The following MED22 variants were observed in gnomAD, a reference collection of about 807,000 sequenced individuals.
MED22 encodes mediator of RNA polymerase II transcription subunit 22.
MED22 carries 22 observed loss-of-function variants against 22.7 expected under a neutral mutation model. The ratio of observed to expected loss-of-function variants is 0.97; its 90% CI spans 0.69 to 1.38. The LOEUF is 1.38. Among genes scored for constraint, MED22 ranks in the 40% most tolerant of loss-of-function variants. The pLI, the probability that MED22 is intolerant of heterozygous loss-of-function variation, is 0.00. For synonymous variants in MED22, 134 were observed against 119.4 expected (o/e 1.12, Z -0.80); for missense variants, 247 against 263.0 (o/e 0.94, Z 0.42).
At chr9:133,341,984 C>T (rs1440664875) in intron 4 of MED22, 5 of 1,199,558 alleles carry the variant, frequency 4.2e-6, no homozygotes, top group Non-Finnish European at 5.2e-6. Flanking sequence ...TCCACGTGGG[C>T]CTGTCCTAGC....
intron 2 of MED22, among the ~76,000 whole-genome samples, chr9:133,345,477 C>T (rs1476438077): frequency 6.6e-6 from 1 of 152,214 alleles, no homozygotes; most frequent in Non-Finnish European, 1.5e-5. Flanking sequence ...TGCACCTTTG[C>T]TCAAGACAAA....
At chr9:133,341,798 A>C (rs1588677964) in intron 4 of MED22, 104 bp from the exon 5 acceptor site, 1 of 1,491,048 alleles carries the variant, frequency 6.7e-7, no homozygotes, top group South Asian at 1.4e-5. Context: ...ACACGACCAC[A>C]CCCCAGACCT....
Position 133,339,087 on chromosome 9 carries a change from T to C in MED22, c.*2418A>G, listed in dbSNP as rs2129942151. 1.3e-5 allele frequency: 9 copies of C among 679,260 alleles called. No individual in the cohort carries two copies. Among genetic ancestry groups the C allele is most frequent in the Non-Finnish European group, 2.2e-5 (8 of 364,046 alleles). 42.1% of individuals were successfully genotyped at this position (679,260 alleles called of 1,614,324 possible). A position where few individuals can be genotyped will look rare whatever the true frequency, so the allele number is the denominator to read the frequency against. ...GTTCCTTTGGCCAAGTATATGCAAA[T>C]TGATGAGAAAGGTGATATTGTAGAT... On this transcript the variant is annotated 3_prime_UTR_variant, in exon 5 of 5. Coordinates refer to ENST00000343730, the MANE Select transcript of MED22 (RefSeq NM_133640.5).
In MED22 at chr9:133,344,280, C is replaced by G. The variant is rs2129961213; in HGVS notation, c.258G>C (p.Leu86=). ...TCACGGAGGGGAAGTCATTGAGGAT[C>G]AGGAACTGCTTGAGGTCGGACACCA... ...MKLVSDLKQF[L]ILNDFPSVNE... is the part of the protein sequence containing the mutation. The change falls in exon 4 of 5, where the codon CTG becomes CTC. Residue 86 remains leucine (L), a synonymous_variant. Coordinates refer to ENST00000343730, the MANE Select transcript of MED22 (RefSeq NM_133640.5). 2.5e-6 allele frequency: 4 copies of G among 1,614,074 alleles called. No homozygotes were observed. In the African/African-American group the frequency reaches 5.3e-5, roughly 22 times the overall value.
chr9:133,341,513 G>A lies in MED22; in HGVS notation c.595C>T (p.His199Tyr), dbSNP rs2129948773. Reference protein sequence around the residue: ...SHAGGPGPTEHA With the variant: ...SHAGGPGPTEYA ...AGCGTGGCCCCGGAGGCTCAGGCGT[G>A]CTCAGTGGGGCCAGGGCCACCAGCA... The change falls in exon 5 of 5, where the codon CAC (histidine) becomes TAC (tyrosine). Residue 199 changes from histidine (H) to tyrosine (Y), a missense_variant. Coordinates refer to ENST00000343730, the MANE Select transcript of MED22 (RefSeq NM_133640.5). 1.3e-6 allele frequency: 2 copies of A among 1,515,524 alleles called. No individual in the cohort carries two copies. Among genetic ancestry groups the A allele is most frequent in the South Asian group, 2.7e-5 (2 of 74,904 alleles). 93.9% of individuals were successfully genotyped at this position (1,515,524 alleles called of 1,614,324 possible).
rs1836198556 is a variant in MED22 at position 133,346,791 on chromosome 9, G to GCA, written c.-38-92_-38-91insTG. 3 of 1,153,522 alleles carry GCA rather than the reference G, an allele frequency of 2.6e-6. No individual in the cohort carries two copies. In the African/African-American group the frequency reaches 4.7e-5, roughly 18 times the overall value. The allele number at this position is 1,153,522 out of a possible 1,614,324, so 71.5% of individuals were successfully genotyped here. A position where few individuals can be genotyped will look rare whatever the true frequency, so the allele number is the denominator to read the frequency against. ...CTTAGCAGAACACGCAGATTTCTGG[G>GCA]GATTCCCTTTCTGCCAAATAAAGTC... On this transcript the variant is annotated intron_variant, in intron 1 of 4. Transcript: ENST00000343730.
Position 133,338,595 on chromosome 9 carries a change from C to T in MED22, c.*2910G>A, listed in dbSNP as rs1420483331. 3 of 190,358 alleles carry T rather than the reference C, an allele frequency of 1.6e-5. No individual in the cohort carries two copies. Among genetic ancestry groups the T allele is most frequent in the African/African-American group, 4.7e-5 (2 of 42,292 alleles). 11.8% of individuals were successfully genotyped at this position (190,358 alleles called of 1,614,324 possible). On this transcript the variant is annotated 3_prime_UTR_variant, in exon 5 of 5. Transcript: ENST00000343730. ...TGCTGGGATTACAGGCGTGAGCCAC[C>T]GCGCCCGGCCAATTTCTATACTTTT...
chr9:133,343,507 AGCACGGGGCCTG>A, intron 4 of MED22: 1 of 1,236,310 alleles, frequency 8.1e-7, no homozygotes, highest in Non-Finnish European at 1.0e-6. Flanking sequence ...CCTGGGACCC[AGCACGGGGCCTG>A]GCACGTAGGT....
In MED22 at chr9:133,339,599, G is replaced by A. The variant is rs1342508697; in HGVS notation, c.*1906C>T. On this transcript the variant is annotated 3_prime_UTR_variant, in exon 5 of 5. Transcript: ENST00000343730. ...GGATATGCAATCATCATCCATTCTGGTTGTGGTGATGGACGAAGGAGAATG... is the reference window on the plus strand; with the variant it reads ...GGATATGCAATCATCATCCATTCTGATTGTGGTGATGGACGAAGGAGAATG... 9.1e-6 allele frequency: 4 copies of A among 437,684 alleles called. No homozygotes were observed. Among genetic ancestry groups the A allele is most frequent in the Middle Eastern group, 6.7e-4 (1 of 1,492 alleles). The allele number at this position is 437,684 out of a possible 1,614,324, so 27.1% of individuals were successfully genotyped here. A position where few individuals can be genotyped will look rare whatever the true frequency, so the allele number is the denominator to read the frequency against.
At chr9:133,342,878 AAGGCAGGC>A in intron 4 of MED22, 1 of 985,530 alleles carries the variant, frequency 1.0e-6, no homozygotes, top group African/African-American at 1.7e-5. Flanking sequence ...GCCCCAAGGC[AAGGCAGGC>A]AGGCTGAATT....
At chr9:133,342,382 C>T (rs1296421210) in intron 4 of MED22, 2 of 985,988 alleles carry the variant, frequency 2.0e-6, no homozygotes, top group African/African-American at 3.5e-5. Context: ...TTCCCGCGGC[C>T]TGCCTCGCCC....
In MED22 at chr9:133,341,302, C is replaced by T. The variant is rs2129947709; in HGVS notation, c.*203G>A. 2.3e-5 allele frequency: 11 copies of T among 484,048 alleles called. No homozygotes were observed. The highest frequency in any genetic ancestry group is 1.3e-4 in the Admixed American group (3 of 22,784). The allele number at this position is 484,048 out of a possible 1,614,324, so 30.0% of individuals were successfully genotyped here. On this transcript the variant is annotated 3_prime_UTR_variant, in exon 5 of 5. Transcript: ENST00000343730. ...TGATGACTCGGAATGATGGGCTATT[C>T]GGAAATGGCTAGGGAAACAACTGTT...
chr9:133,343,698 A>G (rs1307549879), intron 4 of MED22: 1 of 1,273,372 alleles, frequency 7.9e-7, no homozygotes, highest in Admixed American at 3.6e-5. Context: ...TGCCCTGGAC[A>G]TAGGTGTGGA....
At chr9:133,343,055 TCTG>T in intron 4 of MED22, 1 of 989,944 alleles carries the variant, frequency 1.0e-6, no homozygotes. Context: ...CTGCCTCATG[TCTG>T]CTGAGTTAAT....
At chr9:133,345,413 A>G (rs1263362672) in intron 2 of MED22, among the ~76,000 whole-genome samples, 161 bp from the exon 3 acceptor site, 3 of 152,086 alleles carry the variant, frequency 2.0e-5, no homozygotes, top group Non-Finnish European at 4.4e-5. Flanking sequence ...TGTCAGCCAG[A>G]CCTCTGACAA....
At chr9:133,342,804 C>T (rs2129954946) in intron 4 of MED22, 2 of 985,638 alleles carry the variant, frequency 2.0e-6, no homozygotes, top group African/African-American at 1.7e-5. Flanking sequence ...GGAAGCCTGG[C>T]ACAGATGTCC....
rs2129976152 is a variant in MED22, at chr9:133,348,090, G to A, written c.-207C>T. 6.8e-5 allele frequency: 75 copies of A among 1,107,946 alleles called. 2 individuals are homozygous for A. In the South Asian group the frequency reaches 9.4e-4, roughly 14 times the overall value. 68.6% of individuals were successfully genotyped at this position (1,107,946 alleles called of 1,614,324 possible). A position where few individuals can be genotyped will look rare whatever the true frequency, so the allele number is the denominator to read the frequency against. ...CGGTCCGAAAACCTAGTCAGCCGCCGCAGCCTCTCGGCCCCGCCTCGATTT... is the reference window on the plus strand; with the variant it reads ...CGGTCCGAAAACCTAGTCAGCCGCCACAGCCTCTCGGCCCCGCCTCGATTT... On this transcript the variant is annotated 5_prime_UTR_variant, in exon 1 of 5. Transcript: ENST00000343730.
chr9:133,339,503 G>GA lies in MED22; in HGVS notation c.*2001dup, dbSNP rs2129943062. 1.1e-4 allele frequency: 67 copies of GA among 616,528 alleles called. 2 individuals carry two copies. Among genetic ancestry groups the GA allele is most frequent in the South Asian group, 5.7e-4 (35 of 61,300 alleles). 38.2% of individuals were successfully genotyped at this position (616,528 alleles called of 1,614,324 possible). On this transcript the variant is annotated 3_prime_UTR_variant, in exon 5 of 5. Transcript: ENST00000343730. ...AAATAAAAGACCTCTGGACTAGAAAGAAAAAAAATAGGCATTAAAAAAACT... is the reference window on the plus strand; with the variant it reads ...AAATAAAAGACCTCTGGACTAGAAAGAAAAAAAAATAGGCATTAAAAAAACT...
rs2129954566 is a variant in MED22, at chr9:133,342,698, G to A, written c.414-1004C>T. 12 of 985,942 alleles carry A rather than the reference G, an allele frequency of 1.2e-5. No individual in the cohort carries two copies. In the Admixed American group the frequency reaches 5.5e-4, roughly 45 times the overall value. 61.1% of individuals were successfully genotyped at this position (985,942 alleles called of 1,614,324 possible). ...ACAGGGGCTGTGTGAGGCCCCCCAGGGGGCGCTGGTGTGGACAGGAGGCCT... is the reference window on the plus strand; with the variant it reads ...ACAGGGGCTGTGTGAGGCCCCCCAGAGGGCGCTGGTGTGGACAGGAGGCCT... On this transcript the variant is annotated intron_variant, in intron 4 of 4. Coordinates refer to ENST00000343730, the MANE Select transcript of MED22 (RefSeq NM_133640.5).
Sources: gnomAD v4.1 joint callset for allele counts (sites outside exome capture counted in the v4.1 genomes callset) on GRCh38, gnomAD v4.1.1 for gene constraint, MANE v1.5 for transcripts, NCBI Gene and HGNC (gene_info 2026-07-23, HGNC 2026-07-21) for gene names.